Variants in RTN4 observed in about 807,000 individuals in gnomAD.
RTN4 encodes reticulon-4.
A neutral mutation model predicts 90.4 loss-of-function variants in RTN4; 32 were observed. That is an observed-to-expected ratio of 0.35 (90% CI 0.27 to 0.48). The LOEUF (loss-of-function observed/expected upper bound fraction) is 0.48. RTN4 is among the 20% of genes least tolerant of loss of function. The pLI is 0.99. For missense variants in RTN4, 1,706 were observed against 1,430.2 expected, an observed-to-expected ratio of 1.19 and a Z score of -3.11; for synonymous variants, 629 against 552.5, an observed-to-expected ratio of 1.14 and a Z score of -1.94.
At chr2:55,011,483 C>T (rs1018747430) in intron 3 of RTN4, among the ~76,000 whole-genome samples, 1 of 152,102 alleles carries the variant, frequency 6.6e-6, no homozygotes, top group African/African-American at 2.4e-5. Flanking sequence ...GCAGAAAAGG[C>T]ACTAACAAAT....
rs147636191 is a variant in RTN4, at chr2:55,111,504, A to T, written c.-214+1016T>A. Reference sequence around the variant, plus strand: ...ATGTTCCTCACTCCTGTTCGCATAAATCCACCTAGCTAGTGTTTGTGGGAG... The same window carrying T: ...ATGTTCCTCACTCCTGTTCGCATAATTCCACCTAGCTAGTGTTTGTGGGAG... On this transcript the variant is annotated intron_variant, in intron 1 of 3. Transcript: ENST00000427710. 6.3e-4 allele frequency among the ~76,000 whole-genome samples: 96 copies of T among 152,280 alleles called. No homozygotes were observed. In the East Asian group the frequency reaches 0.016, roughly 25 times the overall value.
At chr2:55,119,940 G>T in the RTN4 span, among the ~76,000 whole-genome samples, 8 of 152,250 alleles carry the variant, frequency 5.3e-5, no homozygotes, top group African/African-American at 1.7e-4. Flanking sequence ...AGATGCAGGA[G>T]GGTGAAGATG....
At chr2:55,053,726 T>A (rs1166689540), upstream of RTN4, among the ~76,000 whole-genome samples, 1 of 149,188 alleles carries the variant, frequency 6.7e-6, no homozygotes, top group Non-Finnish European at 1.5e-5. Flanking sequence ...GAAAAGAAAA[T>A]ACCTCATCAG....
At chr2:55,100,387 G>C (rs1667831030) in intron 1 of RTN4, among the ~76,000 whole-genome samples, 1 of 152,096 alleles carries the variant, frequency 6.6e-6, no homozygotes, top group African/African-American at 2.4e-5. Flanking sequence ...ACATATCCCA[G>C]ATCACATAAA....
intron 2 of RTN4, among the ~76,000 whole-genome samples, chr2:55,058,946 G>A (rs900523089): frequency 3.3e-5 from 5 of 152,018 alleles, no homozygotes; most frequent in Admixed American, 2.6e-4. Context: ...GAGCTCAAGT[G>A]ATCGTCGCCA....
chr2:55,112,270 G>A (rs1037658213), intron 1 of RTN4, among the ~76,000 whole-genome samples: 7 of 152,142 alleles, frequency 4.6e-5, no homozygotes, highest in African/African-American at 1.7e-4. Flanking sequence ...TAAGCACTTG[G>A]CATATGTTGC....
chr2:55,084,375 A>G (rs1668799140), intron 1 of RTN4, among the ~76,000 whole-genome samples: 1 of 149,092 alleles, frequency 6.7e-6, no homozygotes, highest in Non-Finnish European at 1.5e-5. Context: ...TCCTGGGCTC[A>G]TGTGATCCTC....
At chr2:55,110,302 C>T (rs898356767) in intron 1 of RTN4, among the ~76,000 whole-genome samples, 6 of 132,754 alleles carry the variant, frequency 4.5e-5, no homozygotes, top group African/African-American at 9.1e-5. Context: ...CAGAGGGAGA[C>T]CCTGTCTCAA....
At chr2:55,040,472 T>C (rs143817676) in intron 1 of RTN4, among the ~76,000 whole-genome samples, 1 of 152,068 alleles carries the variant, frequency 6.6e-6, no homozygotes, top group East Asian at 1.9e-4. Context: ...CCATCTACGG[T>C]TGTCAGGGCA....
chr2:54,972,975 C>T lies in RTN4; in HGVS notation c.*181G>A, dbSNP rs1029877857. 3.9e-6 allele frequency: 2 copies of T among 515,892 alleles called. No individual in the cohort carries two copies. The highest frequency in any genetic ancestry group is 7.0e-6 in the Non-Finnish European group (2 of 285,376). 32.0% of individuals were successfully genotyped at this position (515,892 alleles called of 1,614,324 possible). A position where few individuals can be genotyped will look rare whatever the true frequency, so the allele number is the denominator to read the frequency against. On this transcript the variant is annotated 3_prime_UTR_variant, in exon 9 of 9. Coordinates refer to ENST00000337526, the MANE Select transcript of RTN4 (RefSeq NM_020532.5). ...AGCTTACAATACTTAAGATGATGAA[C>T]ACATGGCAGTCAAGACAGGTAATTT...
rs140336553 is a variant in RTN4, at chr2:55,001,034, A to C, written c.3014-13336T>G. On this transcript the variant is annotated intron_variant, in intron 3 of 8. Transcript: ENST00000337526. ...ACATATGAACTATAAAAATAGATAA[A>C]AAAGACATTGGTGAATTTAAGAATG... Among the ~76,000 whole-genome samples, 644 of 152,274 alleles carry C rather than the reference A, an allele frequency of 4.2e-3. 5 individuals carry two copies. Among genetic ancestry groups the C allele is most frequent in the African/African-American group, 0.014 (587 of 41,574 alleles).
the RTN4 span, among the ~76,000 whole-genome samples, chr2:55,120,389 A>T: frequency 6.6e-6 from 1 of 152,232 alleles, no homozygotes; most frequent in South Asian, 2.1e-4. Context: ...GGGAAACTAG[A>T]GCCCAGGCTT....
chr2:55,035,625 TA>T (rs375331078), intron 1 of RTN4, among the ~76,000 whole-genome samples: 5,524 of 144,376 alleles, frequency 0.038, 171 homozygotes, highest in African/African-American at 0.09. Context: ...GAAAACAGAT[TA>T]AAAAAAAAAA....
chr2:54,985,038 G>C (rs1328209784), intron 4 of RTN4, among the ~76,000 whole-genome samples: 6 of 151,488 alleles, frequency 4.0e-5, no homozygotes, highest in Non-Finnish European at 8.8e-5. Flanking sequence ...GTGTAAAATT[G>C]GAACGGTAGA....
intron 1 of RTN4, among the ~76,000 whole-genome samples, chr2:55,103,650 G>A (rs953770111): frequency 9.2e-5 from 14 of 151,860 alleles, no homozygotes; most frequent in Admixed American, 3.3e-4. Context: ...CTTTTTCTAC[G>A]TCTCACAGAA....
At chr2:55,039,296 G>T (rs898137725) in intron 1 of RTN4, among the ~76,000 whole-genome samples, 1 of 152,156 alleles carries the variant, frequency 6.6e-6, no homozygotes, top group African/African-American at 2.4e-5. Flanking sequence ...ACATTAAGGT[G>T]AAAAAGGTGT....
At position 55,027,160 on chromosome 2, in the gene RTN4, G is replaced by T. The variant is rs765849064; in HGVS notation, c.939C>A (p.Ala313=). The change falls in exon 3 of 9, where the codon GCC becomes GCA. Residue 313 remains alanine, a synonymous_variant. Coordinates refer to ENST00000337526, the MANE Select transcript of RTN4 (RefSeq NM_020532.5). ...SFSVSPKAES[A]VIVANPREEI... ...CTTCCCTAGGATTTGCTACTATTACGGCAGATTCTGCTTTTGGAGAGACAC... is the reference window on the plus strand; with the variant it reads ...CTTCCCTAGGATTTGCTACTATTACTGCAGATTCTGCTTTTGGAGAGACAC... The T allele has an allele frequency of 1.2e-6, 2 of 1,613,156 alleles. No individual in the cohort carries two copies. The highest frequency in any genetic ancestry group is 1.7e-6 in the Non-Finnish European group (2 of 1,179,724).
intron 5 of RTN4, among the ~76,000 whole-genome samples, chr2:54,979,959 G>T (rs1677982654): frequency 6.6e-6 from 1 of 152,140 alleles, no homozygotes; most frequent in Non-Finnish European, 1.5e-5. Context: ...TAAAAGGATT[G>T]CTAATCCTTA....
chr2:55,089,062 A>G (rs558436383), intron 1 of RTN4, among the ~76,000 whole-genome samples: 115 of 152,246 alleles, frequency 7.6e-4, no homozygotes, highest in African/African-American at 2.7e-3. Flanking sequence ...CCTCCCGAGT[A>G]GCTGGGACTA....
Sources: gnomAD v4.1 joint callset for allele counts (sites outside exome capture counted in the v4.1 genomes callset) on GRCh38, gnomAD v4.1.1 for gene constraint, MANE v1.5 for transcripts, NCBI Gene and HGNC (gene_info 2026-07-23, HGNC 2026-07-21) for gene names.